Variants in NDOR1 observed in about 807,000 individuals in gnomAD.
NDOR1 encodes NADPH dependent diflavin oxidoreductase 1.
NDOR1 carries 61 observed loss-of-function variants against 67.2 expected under a neutral mutation model. The ratio of observed to expected loss-of-function variants is 0.91; its 90% CI spans 0.74 to 1.12. The LOEUF is 1.12. NDOR1 is among the 50% of genes most tolerant of loss of function. The pLI is 0.00. For missense variants in NDOR1, 878 were observed against 802.8 expected, an observed-to-expected ratio of 1.09 and a Z score of -1.13; for synonymous variants, 378 against 343.7, an observed-to-expected ratio of 1.10 and a Z score of -1.10.
At chr9:137,210,862 C>T (rs970282824) in intron 2 of NDOR1, among the ~76,000 whole-genome samples, 1 of 152,080 alleles carries the variant, frequency 6.6e-6, no homozygotes, top group African/African-American at 2.4e-5. Flanking sequence ...CAAAAAAGGC[C>T]GGGCACGACG....
At position 137,216,738 on chromosome 9, in the gene NDOR1, G is replaced by A. The variant is rs1835626442; in HGVS notation, c.*322G>A. 2.6e-6 allele frequency: 1 copy of A among 389,640 alleles called. No individual in the cohort carries two copies. The highest frequency in any genetic ancestry group is 4.8e-6 in the Non-Finnish European group (1 of 208,478). The allele number at this position is 389,640 out of a possible 1,614,324, so 24.1% of individuals were successfully genotyped here. A position where few individuals can be genotyped will look rare whatever the true frequency, so the allele number is the denominator to read the frequency against. On this transcript the variant is annotated 3_prime_UTR_variant, in exon 14 of 14. Coordinates refer to ENST00000684003, the MANE Select transcript of NDOR1 (RefSeq NM_014434.4). ...CTCACCGGTGCAGTGACCCAGGACG[G>A]CATCAGCAGCCCAGTGAGCACCAGG...
chr9:137,215,213 T>G lies in NDOR1; in HGVS notation c.1173+11T>G. 1 of 1,607,438 alleles carries G rather than the reference T, an allele frequency of 6.2e-7. No homozygotes were observed. Among genetic ancestry groups the G allele is most frequent in the Non-Finnish European group, 8.5e-7 (1 of 1,177,306 alleles). On this transcript the variant is annotated intron_variant, in intron 9 of 13. Coordinates refer to ENST00000684003, the MANE Select transcript of NDOR1 (RefSeq NM_014434.4). The stretch of plus-strand genomic sequence containing the variant: ...GCCTCCTCGCTGCTGGTGAGGGGCC[T>G]GGTGGTTGGAGCCCAGGACCGGCCC...
chr9:137,210,150 C>T (rs1384869162), intron 2 of NDOR1, among the ~76,000 whole-genome samples: 1 of 152,224 alleles, frequency 6.6e-6, no homozygotes, highest in Non-Finnish European at 1.5e-5. Flanking sequence ...CAGGCTGAAG[C>T]AGCCAAGGAT....
chr9:137,215,480 G>A lies in NDOR1; in HGVS notation c.1247G>A (p.Gly416Asp). ...FQTRLKEPRR[G>D]LCSSWLASLD... ...ACTCGCCTCAAGGAGCCCCGCCGGGGCCTCTGCTCCTCCTGGCTGGCATCC... is the reference window on the plus strand; with the variant it reads ...ACTCGCCTCAAGGAGCCCCGCCGGGACCTCTGCTCCTCCTGGCTGGCATCC... Residue 416 changes from glycine to aspartate, a missense_variant, in exon 10 of 14, where the codon GGC becomes GAC. By Grantham distance (94) the Gly-to-Asp change is moderately conservative. Coordinates refer to ENST00000684003, the MANE Select transcript of NDOR1 (RefSeq NM_014434.4). 6.2e-7 allele frequency: 1 copy of A among 1,613,482 alleles called. No individual in the cohort carries two copies. Among genetic ancestry groups the A allele is most frequent in the Non-Finnish European group, 8.5e-7 (1 of 1,180,010 alleles).
In NDOR1 at chr9:137,214,862, G is replaced by A. The variant is rs1406812707; in HGVS notation, c.909G>A (p.Leu303=). Residue 303 remains leucine (L), a synonymous_variant, in exon 8 of 14, where the codon CTG becomes CTA. Transcript: ENST00000684003. ...CSMRHLVSHY[L]DIASVPRRSF... Reference sequence around the variant, plus strand: ...TGCGGCACCTCGTGTCCCACTACCTGGACATCGCCAGCGTGCCTCGCCGCT... The same window carrying A: ...TGCGGCACCTCGTGTCCCACTACCTAGACATCGCCAGCGTGCCTCGCCGCT... 6.2e-7 allele frequency: 1 copy of A among 1,610,340 alleles called. No individual in the cohort carries two copies. The highest frequency in any genetic ancestry group is 1.3e-5 in the African/African-American group (1 of 74,938).
chr9:137,212,517 A>G lies in NDOR1; in HGVS notation c.229A>G (p.Ile77Val). 1 of 1,614,006 alleles carries G rather than the reference A, an allele frequency of 6.2e-7. No individual in the cohort carries two copies. The highest frequency in any genetic ancestry group is 8.5e-7 in the Non-Finnish European group (1 of 1,179,946). Reference protein sequence around the residue: ...PDNMKNFWRFIFRKNLPSTAL... With the variant: ...PDNMKNFWRFVFRKNLPSTAL... ...CCGGCTGTAGAACTTCTGGAGGTTT[A>G]TATTCCGGAAGAACCTGCCCTCCAC... Residue 77 changes from isoleucine to valine, a missense_variant, in exon 3 of 14, where the codon ATA becomes GTA. Ile to Val is a conservative substitution (Grantham distance 29). Transcript: ENST00000684003. This position sits in a 1 kb window ranked among gnomAD's most constrained non-coding sequence, Gnocchi z 4.3.
Position 137,216,599 on chromosome 9 carries a change from G to A in NDOR1, c.*183G>A. The A allele has an allele frequency of 1.3e-6, 1 of 772,652 alleles. No homozygotes were observed. The highest frequency in any genetic ancestry group is 2.0e-6 in the Non-Finnish European group (1 of 495,814). 47.9% of individuals were successfully genotyped at this position (772,652 alleles called of 1,614,324 possible). A position where few individuals can be genotyped will look rare whatever the true frequency, so the allele number is the denominator to read the frequency against. On this transcript the variant is annotated 3_prime_UTR_variant, in exon 14 of 14. Transcript: ENST00000684003. ...ACCCTGGATCCCACCCTTTGAGCCT[G>A]ACCCCACTGCAGCCTCTGCCCAGCC...
chr9:137,214,465 G>C (rs139883255), intron 6 of NDOR1, 52 bp downstream of exon 6: 1 of 167,858 alleles, frequency 6.0e-6, no homozygotes, highest in Non-Finnish European at 8.4e-6. Context: ...CCGTGGGTCT[G>C]GGGTTCGGAG....
In NDOR1 at chr9:137,212,633, C is replaced by T. The variant is rs1457337141; in HGVS notation, c.311+34C>T. The stretch of plus-strand genomic sequence containing the variant: ...GGGATGGGACAGTGGGCGGACGGAA[C>T]AGTTCTGGGGGTCGAGCAACAGGTG... On this transcript the variant is annotated intron_variant, in intron 3 of 13. Transcript: ENST00000684003. This position sits in a 1 kb window ranked among gnomAD's most constrained non-coding sequence, Gnocchi z 4.3. 1 of 1,579,836 alleles carries T rather than the reference C, an allele frequency of 6.3e-7. No homozygotes were observed. The highest frequency in any genetic ancestry group is 1.3e-5 in the African/African-American group (1 of 74,154).
In NDOR1 at chr9:137,212,740, A is replaced by C; in HGVS notation, c.311+141A>C. On this transcript the variant is annotated intron_variant, in intron 3 of 13. Transcript: ENST00000684003. This position sits in a 1 kb window ranked among gnomAD's most constrained non-coding sequence, Gnocchi z 4.3. ...CTCGCAGTGGTACTGGCTTCTCCAC[A>C]ACGCTCCCTGGTGGGCACCCCAGGC... 1.4e-6 allele frequency: 1 copy of C among 728,958 alleles called. No homozygotes were observed. Among genetic ancestry groups the C allele is most frequent in the Non-Finnish European group, 2.4e-6 (1 of 425,508 alleles). 45.2% of individuals were successfully genotyped at this position (728,958 alleles called of 1,614,324 possible).
At chr9:137,213,602 C>T (rs1835365856) in intron 3 of NDOR1, among the ~76,000 whole-genome samples, 178 bp from the exon 4 acceptor site, 2 of 152,128 alleles carry the variant, frequency 1.3e-5, no homozygotes, top group African/African-American at 2.4e-5. Context: ...CAGCCCCTGG[C>T]GTGTGGAGGC....
At position 137,215,710 on chromosome 9, in the gene NDOR1, A is replaced by G; in HGVS notation, c.1340A>G (p.Glu447Gly). The change falls in exon 11 of 14, where the codon GAG becomes GGG. Residue 447 changes from glutamate (E) to glycine (G), a missense_variant. By Grantham distance (98) the Glu-to-Gly change is moderately conservative. Transcript: ENST00000684003. ...WVRPGSLAFPETPDTPVIMVG... is the reference protein window; with the variant it reads ...WVRPGSLAFPGTPDTPVIMVG... ...CGGCCTGGGAGTCTGGCCTTCCCAG[A>G]GACACCAGACACACCTGTGATCATG... The G allele has an allele frequency of 1.3e-6, 2 of 1,596,596 alleles. No homozygotes were observed. Among genetic ancestry groups the G allele is most frequent in the Non-Finnish European group, 8.5e-7 (1 of 1,170,014 alleles).
At chr9:137,210,764 T>C (rs1835215084) in intron 2 of NDOR1, among the ~76,000 whole-genome samples, 1 of 152,076 alleles carries the variant, frequency 6.6e-6, no homozygotes, top group African/African-American at 2.4e-5. Context: ...GGAGGATCGC[T>C]TGAGCCCAGA....
rs1438156255 is a variant in NDOR1 at position 137,219,342 on chromosome 9, A to C, written c.*2926A>C. The C allele has an allele frequency of 6.6e-6, 1 of 151,804 alleles. No individual in the cohort carries two copies. Among genetic ancestry groups the C allele is most frequent in the Non-Finnish European group, 1.5e-5 (1 of 68,014 alleles). The allele number at this position is 151,804 out of a possible 1,614,324, so 9.4% of individuals were successfully genotyped here. ...GATCCTGGAACGTGAAGCAGCTTTCAATAAACCAGCTCCTGGGGATGCCAT... is the reference window on the plus strand; with the variant it reads ...GATCCTGGAACGTGAAGCAGCTTTCCATAAACCAGCTCCTGGGGATGCCAT... On this transcript the variant is annotated 3_prime_UTR_variant, in exon 14 of 14. Coordinates refer to ENST00000684003, the MANE Select transcript of NDOR1 (RefSeq NM_014434.4).
rs762362689 is a variant in NDOR1 at position 137,206,266 on chromosome 9, T to C, written c.170T>C (p.Val57Ala). The stretch of plus-strand genomic sequence containing the variant: ...ATTAACGAGCCCCTGGTGATATTTG[T>C]TTGTGCAACTACAGGCCAAGGAGAC... The part of the protein sequence containing the change: ...NLINEPLVIF[V>A]CATTGQGDPP... The change falls in exon 2 of 14, where the codon GTT becomes GCT. Residue 57 changes from valine to alanine, a missense_variant. Physicochemically the swap from Val to Ala is moderately conservative, Grantham distance 64. Coordinates refer to ENST00000684003, the MANE Select transcript of NDOR1 (RefSeq NM_014434.4). The C allele has an allele frequency of 5.0e-6, 8 of 1,613,968 alleles. No homozygotes were observed. The highest frequency in any genetic ancestry group is 6.8e-6 in the Non-Finnish European group (8 of 1,179,986).
chr9:137,218,176 C>G lies in NDOR1; in HGVS notation c.*1760C>G, dbSNP rs1310293696. On this transcript the variant is annotated 3_prime_UTR_variant, in exon 14 of 14. Coordinates refer to ENST00000684003, the MANE Select transcript of NDOR1 (RefSeq NM_014434.4). ...TGGGCTGCCTGCACAGGCTGCTGGG[C>G]TCGGCCTCCAGTGCCGACCTGGGCC... The G allele has an allele frequency of 5.0e-6, 2 of 398,366 alleles. No individual in the cohort carries two copies. The highest frequency in any genetic ancestry group is 8.8e-6 in the Non-Finnish European group (2 of 226,050). The allele number at this position is 398,366 out of a possible 1,614,324, so 24.7% of individuals were successfully genotyped here.
Position 137,214,021 on chromosome 9 carries a change from G to T in NDOR1, c.465G>T (p.Gly155=). 6.5e-7 allele frequency: 1 copy of T among 1,548,690 alleles called. No homozygotes were observed. The part of the protein sequence containing the change: ...WLRDLWDRVL[G]LYPPPPGLTE... ...GAGACTTGTGGGACAGGGTTCTGGG[G>T]CTGTACCCGCCGCCTCCGGGCCTCA... Residue 155 remains glycine, a synonymous_variant, in exon 5 of 14, where the codon GGG becomes GGT. Coordinates refer to ENST00000684003, the MANE Select transcript of NDOR1 (RefSeq NM_014434.4).
chr9:137,214,598 C>G lies in NDOR1; in HGVS notation c.751C>G (p.Gln251Glu), dbSNP rs114801832. ...SFAAGDVVLI[Q>E]PSNSAAHVQR... Reference sequence around the variant, plus strand: ...TGCTGCTGGTGATGTGGTGCTGATTCAGCCCTCCAACTCGGCTGCCCATGT... The same window carrying G: ...TGCTGCTGGTGATGTGGTGCTGATTGAGCCCTCCAACTCGGCTGCCCATGT... Residue 251 changes from glutamine to glutamate, a missense_variant, in exon 7 of 14, where the codon CAG becomes GAG. Coordinates refer to ENST00000684003, the MANE Select transcript of NDOR1 (RefSeq NM_014434.4). The G allele has an allele frequency of 1.6e-3, 2,586 of 1,611,348 alleles. 45 individuals are homozygous for G. The African/African-American group carries it at 0.032, about 20-fold the overall frequency.
At position 137,215,205 on chromosome 9, in the gene NDOR1, G is replaced by A; in HGVS notation, c.1173+3G>A. On this transcript the variant is annotated splice_donor_region_variant and intron_variant, in intron 9 of 13. Coordinates refer to ENST00000684003, the MANE Select transcript of NDOR1 (RefSeq NM_014434.4). The stretch of plus-strand genomic sequence containing the variant: ...TCTCCATCGCCTCCTCGCTGCTGGT[G>A]AGGGGCCTGGTGGTTGGAGCCCAGG... 6.2e-7 allele frequency: 1 copy of A among 1,609,462 alleles called. No individual in the cohort carries two copies. Among genetic ancestry groups the A allele is most frequent in the Non-Finnish European group, 8.5e-7 (1 of 1,178,574 alleles).
Sources: gnomAD v4.1 joint callset for allele counts (sites outside exome capture counted in the v4.1 genomes callset) on GRCh38, gnomAD v4.1.1 for gene constraint, Gnocchi (gnomAD v3.1) non-coding constraint, MANE v1.5 for transcripts, NCBI Gene and HGNC (gene_info 2026-07-23, HGNC 2026-07-21) for gene names.